MYPN: variants seen among roughly 807,000 people sequenced by gnomAD.
The protein encoded by MYPN is myopalladin, also known as sarcomeric protein myopalladin, 145 kDa (MYOP).
A neutral mutation model predicts 129.4 loss-of-function variants in MYPN; 63 were observed. The observed-to-expected ratio is 0.49, with a 90% CI of 0.40 to 0.60. The LOEUF is 0.60. Among genes scored for constraint, MYPN ranks in the 20% least tolerant of loss-of-function variants. The probability of loss-of-function intolerance (pLI) is 0.00; values close to 1 mark genes in which losing one functional copy is unlikely to be tolerated. For missense variants in MYPN, 1,596 were observed against 1,635.4 expected, an observed-to-expected ratio of 0.98 and a Z score of 0.42; for synonymous variants, 629 against 600.9, an observed-to-expected ratio of 1.05 and a Z score of -0.68.
chr10:68,204,890 C>T (rs1298867651), intron 18 of MYPN, among the ~76,000 whole-genome samples: 1 of 151,992 alleles, frequency 6.6e-6, no homozygotes, highest in East Asian at 1.9e-4. Flanking sequence ...TGCCAGTACC[C>T]CGTGTGCACT....
chr10:68,143,385 A>G (rs1401809360), intron 3 of MYPN, among the ~76,000 whole-genome samples: 2 of 152,198 alleles, frequency 1.3e-5, no homozygotes, highest in African/African-American at 2.4e-5. Flanking sequence ...ACCAAGAAAA[A>G]GAGATAGGAA....
At chr10:68,161,150 T>C (rs973253520) in intron 7 of MYPN, among the ~76,000 whole-genome samples, 2 of 152,202 alleles carry the variant, frequency 1.3e-5, no homozygotes, top group Non-Finnish European at 2.9e-5. Context: ...CTAAGGTTTA[T>C]GTATCCCAAG....
chr10:68,169,674 A>T (rs1194152139), intron 10 of MYPN, among the ~76,000 whole-genome samples: 1 of 151,714 alleles, frequency 6.6e-6, no homozygotes, highest in African/African-American at 2.4e-5. Flanking sequence ...AAGACGGCTG[A>T]TGGTGGTCAA....
intron 12 of MYPN, among the ~76,000 whole-genome samples, chr10:68,180,723 G>C (rs890851483): frequency 2.0e-5 from 3 of 152,194 alleles, no homozygotes; most frequent in African/African-American, 7.2e-5. Context: ...AGCTCAGGCA[G>C]TGACTGTTGG....
At chr10:68,158,726 G>T in intron 7 of MYPN, 99 bp downstream of exon 7, 1 of 908,098 alleles carries the variant, frequency 1.1e-6, no homozygotes. Context: ...TAAAAATATA[G>T]TCAAAAAGAA....
At position 68,195,538 on chromosome 10, in the gene MYPN, G is replaced by C. The variant is rs368175014; in HGVS notation, c.3158+6G>C. 9 of 1,613,294 alleles carry C rather than the reference G, an allele frequency of 5.6e-6. No homozygotes were observed. Among genetic ancestry groups the C allele is most frequent in the Non-Finnish European group, 7.6e-6 (9 of 1,179,286 alleles). On this transcript the variant is annotated splice_donor_region_variant and intron_variant, in intron 15 of 19. Transcript: ENST00000358913. The stretch of plus-strand genomic sequence containing the variant: ...TCTGCTGGTCAGTCTCACAGGTAAA[G>C]ACAGTAAGAATTCCCCCTCTCTAGG...
At chr10:68,192,768 G>T (rs2043536700) in intron 13 of MYPN, among the ~76,000 whole-genome samples, 1 of 151,916 alleles carries the variant, frequency 6.6e-6, no homozygotes, top group Non-Finnish European at 1.5e-5. Flanking sequence ...CCAGGAATTT[G>T]CCAATTTCTT....
At chr10:68,158,269 G>A (rs1026846778) in intron 6 of MYPN, 2 of 551,932 alleles carry the variant, frequency 3.6e-6, no homozygotes, top group South Asian at 2.1e-5. Context: ...TAGGTCAAGG[G>A]CATAGGAGTA....
chr10:68,097,159 A>G (rs960819840), intron 1 of MYPN, among the ~76,000 whole-genome samples: 2 of 152,176 alleles, frequency 1.3e-5, no homozygotes, highest in African/African-American at 4.8e-5. Flanking sequence ...TTTTACCTCT[A>G]TGTTACCGGT....
intron 4 of MYPN, among the ~76,000 whole-genome samples, chr10:68,146,216 T>C (rs2042664542): frequency 6.6e-6 from 1 of 152,254 alleles, no homozygotes; most frequent in Non-Finnish European, 1.5e-5. Context: ...CACCTCAGGC[T>C]GTCTACATTG....
intron 10 of MYPN, among the ~76,000 whole-genome samples, chr10:68,173,678 T>G (rs2043177871): frequency 6.6e-6 from 1 of 151,660 alleles, no homozygotes; most frequent in African/African-American, 2.4e-5. Context: ...CAGGACTCAC[T>G]GCAATCTCCG....
chr10:68,091,174 G>T (rs564426836), intron 1 of MYPN, among the ~76,000 whole-genome samples: 1 of 152,122 alleles, frequency 6.6e-6, no homozygotes, highest in Non-Finnish European at 1.5e-5. Flanking sequence ...CTGGAGAAAG[G>T]CAGGTAATTG....
At chr10:68,125,510 G>A (rs1025760065) in intron 2 of MYPN, among the ~76,000 whole-genome samples, 1 of 152,196 alleles carries the variant, frequency 6.6e-6, no homozygotes, top group African/African-American at 2.4e-5. Context: ...AAGCAAATAT[G>A]TATTTATTTA....
At chr10:68,157,885 AAAAAAAACCCAAACCAAAACAACAAC>A (rs1172648409) in intron 6 of MYPN, among the ~76,000 whole-genome samples, 1 of 151,654 alleles carries the variant, frequency 6.6e-6, no homozygotes, top group Non-Finnish European at 1.5e-5. Flanking sequence ...CGACCAATAA[AAAAAAAACCCAAACCAAAACAACAAC>A]AAAAAAACCA....
At chr10:68,179,168 T>C in intron 12 of MYPN, among the ~76,000 whole-genome samples, 1 of 152,328 alleles carries the variant, frequency 6.6e-6, no homozygotes, top group East Asian at 1.9e-4. Context: ...CCATGAATTC[T>C]TTATGACAAT....
At position 68,182,460 on chromosome 10, in the gene MYPN, TATAACATATATAC is replaced by T. The variant is rs1336217869; in HGVS notation, c.2704-6443_2704-6431del. ...ATATAACATATATATAACATATATA[TATAACATATATAC>T]ACACACACACACACACACACACACA... On this transcript the variant is annotated intron_variant, in intron 12 of 19. Coordinates refer to ENST00000358913, the MANE Select transcript of MYPN (RefSeq NM_032578.4). Among the ~76,000 whole-genome samples, 80 of 102,964 alleles carry T rather than the reference TATAACATATATAC, an allele frequency of 7.8e-4. 5 individuals are homozygous for T. Among genetic ancestry groups the T allele is most frequent in the Admixed American group, 2.6e-3 (24 of 9,162 alleles). The allele number at this position is 102,964 out of a possible 152,430, so 67.5% of individuals were successfully genotyped here.
intron 8 of MYPN, among the ~76,000 whole-genome samples, chr10:68,164,629 A>G (rs1006093457): frequency 1.3e-5 from 2 of 152,342 alleles, no homozygotes; most frequent in African/African-American, 4.8e-5. Flanking sequence ...TGTCAGTTCA[A>G]TGGAGTGATA....
At chr10:68,105,658 G>A (rs976602247), upstream of MYPN, among the ~76,000 whole-genome samples, 4 of 152,224 alleles carry the variant, frequency 2.6e-5, no homozygotes, top group African/African-American at 7.2e-5. Context: ...AAACCACACA[G>A]TAAAGCTTTA....
intron 17 of MYPN, among the ~76,000 whole-genome samples, chr10:68,201,239 G>A (rs527515592): frequency 1.3e-5 from 2 of 152,290 alleles, no homozygotes; most frequent in South Asian, 4.1e-4. Context: ...CATCCCATGC[G>A]AACGACCCAG....
Sources: gnomAD v4.1 joint callset for allele counts (sites outside exome capture counted in the v4.1 genomes callset) on GRCh38, gnomAD v4.1.1 for gene constraint, MANE v1.5 for transcripts, NCBI Gene and HGNC (gene_info 2026-07-23, HGNC 2026-07-21) for gene names.